Variants in CADM4 observed in about 807,000 individuals in gnomAD.
The protein encoded by CADM4 is TSLC1-like 2.
In CADM4, 13 loss-of-function variants were observed where a neutral mutation model predicts 43.9. The observed-to-expected ratio is 0.30, with a 90% CI of 0.19 to 0.47. CADM4 has a LOEUF of 0.47. CADM4 is among the 20% of genes least tolerant of loss of function. The pLI, the probability that CADM4 is intolerant of heterozygous loss-of-function variation, is 1.00. For missense variants in CADM4, 420 were observed against 527.0 expected (o/e 0.80, Z 1.99); for synonymous variants, 209 against 220.9 (o/e 0.95, Z 0.48).
At position 43,625,150 on chromosome 19, in the gene CADM4, T is replaced by C; in HGVS notation, c.856A>G (p.Asn286Asp). The C allele has an allele frequency of 6.8e-6, 11 of 1,614,156 alleles. No individual in the cohort carries two copies. The highest frequency in any genetic ancestry group is 9.3e-6 in the Non-Finnish European group (11 of 1,180,014). The part of the protein sequence containing the change: ...LTLPGLVSAD[N>D]GTYTCEASNK... ...GACGCCTCGCAAGTGTAGGTGCCGTTATCCGCGGATACCAGACCCGGCAGC... is the reference window on the plus strand; with the variant it reads ...GACGCCTCGCAAGTGTAGGTGCCGTCATCCGCGGATACCAGACCCGGCAGC... Residue 286 changes from asparagine to aspartate, a missense_variant, in exon 7 of 9, where the codon AAC (asparagine) becomes GAC (aspartate). Asn to Asp is a conservative substitution (Grantham distance 23). Transcript: ENST00000222374. The surrounding 1 kb of genome is among the most constrained non-coding windows in gnomAD (Gnocchi z 4.5).
At position 43,625,038 on chromosome 19, in the gene CADM4, G is replaced by GGC; in HGVS notation, c.928+39_928+40insGC. On this transcript the variant is annotated intron_variant, in intron 7 of 8. Coordinates refer to ENST00000222374, the MANE Select transcript of CADM4 (RefSeq NM_145296.2). This position sits in a 1 kb window ranked among gnomAD's most constrained non-coding sequence, Gnocchi z 4.5. The stretch of plus-strand genomic sequence containing the variant: ...TCAAGCCCCGCCCCCGCCACCTGGC[G>GGC]CCCCGCCCCCGCCCTCAGTCGGCCG... 1 of 1,269,622 alleles carries GGC rather than the reference G, an allele frequency of 7.9e-7. No individual in the cohort carries two copies. The highest frequency in any genetic ancestry group is 1.0e-6 in the Non-Finnish European group (1 of 980,090). The allele number at this position is 1,269,622 out of a possible 1,614,324, so 78.6% of individuals were successfully genotyped here. A position where few individuals can be genotyped will look rare whatever the true frequency, so the allele number is the denominator to read the frequency against.
chr19:43,640,255 G>A (rs933320103), upstream of CADM4, among the ~76,000 whole-genome samples: 1 of 151,630 alleles, frequency 6.6e-6, no homozygotes, highest in Non-Finnish European at 1.5e-5. Flanking sequence ...CGTGGGGTGC[G>A]GTGTGTGCGA....
At position 43,626,478 on chromosome 19, in the gene CADM4, C is replaced by T. The variant is rs868855933; in HGVS notation, c.500-190G>A. Among the ~76,000 whole-genome samples the T allele has an allele frequency of 2.6e-4, 40 of 152,130 alleles. No homozygotes were observed. Among genetic ancestry groups the T allele is most frequent in the African/African-American group, 8.9e-4 (37 of 41,416 alleles). On this transcript the variant is annotated intron_variant, in intron 4 of 8. Coordinates refer to ENST00000222374, the MANE Select transcript of CADM4 (RefSeq NM_145296.2). This position sits in a 1 kb window ranked among gnomAD's most constrained non-coding sequence, Gnocchi z 5.9. ...CTCCTCCCAAAGCTCTTCCCTCTTT[C>T]ACGCTCATGCTTTCTCGTCTATCAA...
Position 43,626,165 on chromosome 19 carries a change from G to A in CADM4, c.623C>T (p.Ser208Phe). ...GTACTGCGTCTGCTTGCTGTGTCCGGAGGGCAGCGCCTGGTTCTGCGCCTC... is the reference window on the plus strand; with the variant it reads ...GTACTGCGTCTGCTTGCTGTGTCCGAAGGGCAGCGCCTGGTTCTGCGCCTC... ...ICEAQNQALP[S>F]GHSKQTQYVL... The change falls in exon 5 of 9, where the codon TCC (serine) becomes TTC (phenylalanine). Residue 208 changes from serine to phenylalanine, a missense_variant. Transcript: ENST00000222374. This position sits in a 1 kb window ranked among gnomAD's most constrained non-coding sequence, Gnocchi z 5.9. 1 of 1,613,956 alleles carries A rather than the reference G, an allele frequency of 6.2e-7. No individual in the cohort carries two copies. The highest frequency in any genetic ancestry group is 8.5e-7 in the Non-Finnish European group (1 of 1,179,966).
Position 43,623,979 on chromosome 19 carries a change from A to G in CADM4, c.1057+135T>C, listed in dbSNP as rs541543786. ...TGCCGAAAGCCCCGCCCCCTTTGTC[A>G]TCTCCGCCCCCGGTGCGGCGGGATT... On this transcript the variant is annotated intron_variant, in intron 8 of 8. Coordinates refer to ENST00000222374, the MANE Select transcript of CADM4 (RefSeq NM_145296.2). The surrounding 1 kb of genome is among the most constrained non-coding windows in gnomAD (Gnocchi z 4.4). The G allele has an allele frequency of 5.1e-4, 563 of 1,097,478 alleles. 12 individuals carry two copies. The South Asian group carries it at 8.1e-3, about 16-fold the overall frequency. 68.0% of individuals were successfully genotyped at this position (1,097,478 alleles called of 1,614,324 possible).
chr19:43,639,866 C>CGCGCCCCGCCCCCT, upstream of CADM4: 2 of 972,616 alleles, frequency 2.1e-6, no homozygotes, highest in Non-Finnish European at 2.4e-6. Flanking sequence ...CCCCGCCCCC[C>CGCGCCCCGCCCCCT]GCGCCCCGCC....
chr19:43,628,452 A>G (rs1035469286), intron 1 of CADM4, among the ~76,000 whole-genome samples: 2 of 151,854 alleles, frequency 1.3e-5, no homozygotes, highest in African/African-American at 2.4e-5. Flanking sequence ...AAAAGAAAGA[A>G]AAAAAAGAGT....
In CADM4 at chr19:43,627,881, A is replaced by G; in HGVS notation, c.65-91T>C. 7.9e-7 allele frequency: 1 copy of G among 1,273,238 alleles called. No individual in the cohort carries two copies. Among genetic ancestry groups the G allele is most frequent in the Middle Eastern group, 1.9e-4 (1 of 5,196 alleles). 78.9% of individuals were successfully genotyped at this position (1,273,238 alleles called of 1,614,324 possible). On this transcript the variant is annotated intron_variant, in intron 1 of 8. Coordinates refer to ENST00000222374, the MANE Select transcript of CADM4 (RefSeq NM_145296.2). This position sits in a 1 kb window ranked among gnomAD's most constrained non-coding sequence, Gnocchi z 4.0. ...CTCCCTCTTCCCCATCCAAACCTCC[A>G]ATCCCTCTCTTTCCCCTCATTCATT...
intron 1 of CADM4, 126 bp downstream of exon 1, chr19:43,639,601 C>G: frequency 3.6e-6 from 2 of 563,092 alleles, no homozygotes; most frequent in African/African-American, 2.1e-5. Flanking sequence ...CGCTTTGTCC[C>G]GGGGAGGGGG....
At position 43,623,510 on chromosome 19, in the gene CADM4, G is replaced by A; in HGVS notation, c.1058-71C>T. The A allele has an allele frequency of 1.1e-6, 1 of 936,576 alleles. No homozygotes were observed. The highest frequency in any genetic ancestry group is 1.7e-5 in the Admixed American group (1 of 59,056). The allele number at this position is 936,576 out of a possible 1,614,324, so 58.0% of individuals were successfully genotyped here. A position where few individuals can be genotyped will look rare whatever the true frequency, so the allele number is the denominator to read the frequency against. ...ATCCAGGAGTTGGACAGAAGTATAA[G>A]GGAAGAGGGAGACAGACAAGACACA... On this transcript the variant is annotated intron_variant, in intron 8 of 8. Coordinates refer to ENST00000222374, the MANE Select transcript of CADM4 (RefSeq NM_145296.2). The surrounding 1 kb of genome is among the most constrained non-coding windows in gnomAD (Gnocchi z 4.4).
At chr19:43,638,669 G>A (rs965117010) in intron 1 of CADM4, among the ~76,000 whole-genome samples, 1 of 152,266 alleles carries the variant, frequency 6.6e-6, no homozygotes, top group African/African-American at 2.4e-5. Context: ...GTATGTGGAT[G>A]GCTCCCTGGA....
In CADM4 at chr19:43,625,636, C is replaced by T. The variant is rs540217947; in HGVS notation, c.755+275G>A. 1.4e-4 allele frequency among the ~76,000 whole-genome samples: 21 copies of T among 152,270 alleles called. No homozygotes were observed. The highest frequency in any genetic ancestry group is 1.2e-3 in the Admixed American group (18 of 15,296). Reference sequence around the variant, plus strand: ...TCCCACGCCATTCCATCCTCAGCAACCAGGAGTCTGAGGCTGCACAGCTTC... The same window carrying T: ...TCCCACGCCATTCCATCCTCAGCAATCAGGAGTCTGAGGCTGCACAGCTTC... On this transcript the variant is annotated intron_variant, in intron 6 of 8. Transcript: ENST00000222374. This position sits in a 1 kb window ranked among gnomAD's most constrained non-coding sequence, Gnocchi z 4.5.
rs1260987094 is a variant in CADM4 at position 43,625,839 on chromosome 19, A to G, written c.755+72T>C. 7 of 1,318,432 alleles carry G rather than the reference A, an allele frequency of 5.3e-6. No homozygotes were observed. In the African/African-American group the frequency reaches 1.0e-4, roughly 19 times the overall value. The allele number at this position is 1,318,432 out of a possible 1,614,324, so 81.7% of individuals were successfully genotyped here. ...CTCCTCCTTAGGACCCAGGAGTCCA[A>G]GTCCCTGGTCCCTGTTCTTCCAGGT... On this transcript the variant is annotated intron_variant, in intron 6 of 8. Coordinates refer to ENST00000222374, the MANE Select transcript of CADM4 (RefSeq NM_145296.2). This position sits in a 1 kb window ranked among gnomAD's most constrained non-coding sequence, Gnocchi z 4.5.
In CADM4 at chr19:43,626,875, T is replaced by C. The variant is rs2146139524; in HGVS notation, c.408A>G (p.Val136=). 1 of 1,608,974 alleles carries C rather than the reference T, an allele frequency of 6.2e-7. No homozygotes were observed. Among genetic ancestry groups the C allele is most frequent in the African/African-American group, 1.3e-5 (1 of 74,948 alleles). Residue 136 remains valine, a synonymous_variant, in exon 4 of 9, where the codon GTA becomes GTG. Transcript: ENST00000222374. The surrounding 1 kb of genome is among the most constrained non-coding windows in gnomAD (Gnocchi z 5.9). ...NPVVEVREQA[V]EGGEVELSCL... ...AGCTGAGCTCCACCTCGCCGCCCTC[T>C]ACCGCCTGCTCCCGGACCTCCACCA...
At chr19:43,639,882 C>G, upstream of CADM4, 1 of 951,896 alleles carries the variant, frequency 1.1e-6, no homozygotes, top group South Asian at 4.8e-5. Context: ...CCGCCCCCTG[C>G]CCGCCCGGGG....
Position 43,625,218 on chromosome 19 carries a change from T to C in CADM4, c.788A>G (p.Glu263Gly). 1.2e-6 allele frequency: 2 copies of C among 1,614,158 alleles called. No homozygotes were observed. Among genetic ancestry groups the C allele is most frequent in the Non-Finnish European group, 1.7e-6 (2 of 1,179,990 alleles). The change falls in exon 7 of 9, where the codon GAG becomes GGG. Residue 263 changes from glutamate to glycine, a missense_variant. Physicochemically the swap from Glu to Gly is moderately conservative, Grantham distance 98. Coordinates refer to ENST00000222374, the MANE Select transcript of CADM4 (RefSeq NM_145296.2). The surrounding 1 kb of genome is among the most constrained non-coding windows in gnomAD (Gnocchi z 4.5). The part of the protein sequence containing the change: ...PNQIRWNRGN[E>G]SLPERAEAVG... ...GGCCTCCGCCCTCTCCGGCAAAGAC[T>C]CATTCCCGCGGTTCCAGCGGATCTG...
chr19:43,639,873 C>A (rs1331247557), upstream of CADM4: 2 of 970,646 alleles, frequency 2.1e-6, no homozygotes, highest in African/African-American at 3.6e-5. Context: ...CCCCGCGCCC[C>A]GCCCCCTGCC....
rs1330823729 is a variant in CADM4, at chr19:43,622,407, C to T, written c.*923G>A. ...GTTTAATGGTGGTTAGTGAGATTGC[C>T]AAACCCCCTCCCCATTCCCCTCCCC... On this transcript the variant is annotated 3_prime_UTR_variant, in exon 9 of 9. Coordinates refer to ENST00000222374, the MANE Select transcript of CADM4 (RefSeq NM_145296.2). 2 of 152,216 alleles carry T rather than the reference C, an allele frequency of 1.3e-5. No individual in the cohort carries two copies. The highest frequency in any genetic ancestry group is 2.9e-5 in the Non-Finnish European group (2 of 68,082). The allele number at this position is 152,216 out of a possible 1,614,324, so 9.4% of individuals were successfully genotyped here.
At chr19:43,634,766 C>A (rs1262956607) in intron 1 of CADM4, among the ~76,000 whole-genome samples, 4 of 151,018 alleles carry the variant, frequency 2.6e-5, no homozygotes, top group African/African-American at 9.8e-5. Flanking sequence ...GCAGGTAATG[C>A]GTAAGACCCA....
Sources: gnomAD v4.1 joint callset for allele counts (sites outside exome capture counted in the v4.1 genomes callset) on GRCh38, gnomAD v4.1.1 for gene constraint, Gnocchi (gnomAD v3.1) non-coding constraint, MANE v1.5 for transcripts, NCBI Gene and HGNC (gene_info 2026-07-23, HGNC 2026-07-21) for gene names.